Variants in SYTL3 observed in about 807,000 individuals in gnomAD.
SYTL3 encodes the protein synaptotagmin-like protein 3.
In SYTL3, 88 loss-of-function variants were observed where a neutral mutation model predicts 82.1. The ratio of observed to expected loss-of-function variants is 1.07; its 90% CI spans 0.90 to 1.28. The LOEUF (loss-of-function observed/expected upper bound fraction) is 1.28, where lower values mean the gene tolerates loss of function less well. SYTL3 is among the 50% of genes most tolerant of loss of function. The pLI is 0.00. For missense variants in SYTL3, 831 were observed against 757.6 expected (o/e 1.10, Z -1.14); for synonymous variants, 311 against 289.4 (o/e 1.07, Z -0.76).
intron 12 of SYTL3, among the ~76,000 whole-genome samples, chr6:158,750,636 G>A (rs1022953175): frequency 6.6e-5 from 10 of 152,004 alleles, no homozygotes; most frequent in Admixed American, 1.3e-4. Context: ...CTCCAACTTC[G>A]GGCGTCGAGT....
chr6:158,681,380 G>A (rs141946105), intron 5 of SYTL3, among the ~76,000 whole-genome samples: 109 of 152,200 alleles, frequency 7.2e-4, no homozygotes, highest in African/African-American at 2.5e-3. Context: ...AAGTCCTGCC[G>A]TAGGGAGCTG....
At chr6:158,693,762 C>T (rs756094832) in intron 6 of SYTL3, among the ~76,000 whole-genome samples, 4 of 138,962 alleles carry the variant, frequency 2.9e-5, no homozygotes, top group African/African-American at 6.2e-5. Flanking sequence ...AGGCTGGTCT[C>T]GAACTCCTGA....
At chr6:158,682,065 G>A (rs543972435) in intron 5 of SYTL3, among the ~76,000 whole-genome samples, 40 of 152,084 alleles carry the variant, frequency 2.6e-4, no homozygotes, top group Admixed American at 4.6e-4. Flanking sequence ...TCAGCCTCCC[G>A]AGTAGCTGGG....
intron 9 of SYTL3, among the ~76,000 whole-genome samples, chr6:158,714,271 G>T (rs2128464445): frequency 6.6e-6 from 1 of 152,114 alleles, no homozygotes; most frequent in Non-Finnish European, 1.5e-5. Context: ...AGAATCACTT[G>T]AACCCAGGAG....
chr6:158,669,510 A>G (rs1777123603), intron 5 of SYTL3, among the ~76,000 whole-genome samples: 1 of 152,252 alleles, frequency 6.6e-6, no homozygotes, highest in South Asian at 2.1e-4. Flanking sequence ...TATTTTAACA[A>G]TGATAAAGGT....
At chr6:158,658,396 C>G (rs1376617348) in intron 2 of SYTL3, among the ~76,000 whole-genome samples, 2 of 152,194 alleles carry the variant, frequency 1.3e-5, no homozygotes, top group Non-Finnish European at 1.5e-5. Flanking sequence ...TGGTACTGCA[C>G]TCATTGAAAA....
At chr6:158,655,217 A>G (rs1436125722) in intron 2 of SYTL3, among the ~76,000 whole-genome samples, 2 of 152,214 alleles carry the variant, frequency 1.3e-5, no homozygotes, top group East Asian at 1.9e-4. Flanking sequence ...AGATTTTTCT[A>G]TGCTTTTTGG....
At chr6:158,657,802 A>T (rs1788870448) in intron 2 of SYTL3, among the ~76,000 whole-genome samples, 1 of 151,572 alleles carries the variant, frequency 6.6e-6, no homozygotes, top group Admixed American at 6.6e-5. Flanking sequence ...TCTTTCTGAA[A>T]CAATAAAAAA....
At chr6:158,665,678 A>G in intron 5 of SYTL3, 65 bp downstream of exon 5, 5 of 1,273,680 alleles carry the variant, frequency 3.9e-6, no homozygotes, top group Non-Finnish European at 5.4e-6. Flanking sequence ...CTCTTTACAA[A>G]CCGCTCATAA....
At chr6:158,650,274 A>G (rs960266778) in intron 1 of SYTL3, among the ~76,000 whole-genome samples, 196 bp downstream of exon 1, 2 of 152,238 alleles carry the variant, frequency 1.3e-5, no homozygotes, top group African/African-American at 4.8e-5. Flanking sequence ...TTGAGATAAT[A>G]ATGATTTAAG....
chr6:158,716,105 G>A (rs138952927), intron 9 of SYTL3, among the ~76,000 whole-genome samples: 119 of 152,318 alleles, frequency 7.8e-4, no homozygotes, highest in African/African-American at 2.7e-3. Flanking sequence ...ACCAGCGGGA[G>A]GAAATGAGTG....
At chr6:158,763,258 G>A in intron 16 of SYTL3, 46 bp from the exon 17 acceptor site, 2 of 1,585,468 alleles carry the variant, frequency 1.3e-6, no homozygotes, top group Non-Finnish European at 1.7e-6. Flanking sequence ...CAGGAGAGAA[G>A]GCCGTGTGGA....
intron 12 of SYTL3, among the ~76,000 whole-genome samples, chr6:158,751,428 C>T (rs77765765): frequency 1.3e-3 from 203 of 152,292 alleles, no homozygotes; most frequent in African/African-American, 4.5e-3. Flanking sequence ...ATGCTGCGTG[C>T]GACCTCTAGA....
chr6:158,733,580 G>C (rs1273878995), intron 11 of SYTL3, among the ~76,000 whole-genome samples: 3 of 151,690 alleles, frequency 2.0e-5, no homozygotes, highest in Non-Finnish European at 4.4e-5. Flanking sequence ...GCCCTCCTCG[G>C]CCTCCCAAAG....
chr6:158,693,202 A>G (rs1303127345), intron 6 of SYTL3, among the ~76,000 whole-genome samples: 3 of 152,240 alleles, frequency 2.0e-5, no homozygotes, highest in African/African-American at 7.2e-5. Context: ...TAAAAATTTT[A>G]AAAATTTTAC....
intron 15 of SYTL3, 100 bp downstream of exon 15, chr6:158,760,845 C>T (rs1789820073): frequency 2.1e-6 from 2 of 935,290 alleles, no homozygotes; most frequent in East Asian, 2.6e-5. Context: ...CTAGCATTTC[C>T]TTTCTACGTC....
chr6:158,647,724 A>G (rs2128340212), upstream of SYTL3, among the ~76,000 whole-genome samples: 1 of 152,386 alleles, frequency 6.6e-6, no homozygotes, highest in Non-Finnish European at 1.5e-5. Context: ...AGACACCTTT[A>G]CTCGTAACTG....
intron 6 of SYTL3, among the ~76,000 whole-genome samples, chr6:158,692,272 A>C (rs1399268060): frequency 2.3e-5 from 3 of 128,600 alleles, no homozygotes; most frequent in African/African-American, 1.0e-4. Flanking sequence ...AAAAAAAAAA[A>C]AAAAAAAAAA....
intron 6 of SYTL3, among the ~76,000 whole-genome samples, chr6:158,706,357 G>C (rs1782093618): frequency 6.6e-6 from 1 of 152,154 alleles, no homozygotes; most frequent in Non-Finnish European, 1.5e-5. Flanking sequence ...CCTCCCAAAG[G>C]CCAGCCCATC....
Sources: allele counts gnomAD v4.1 joint callset (sites outside exome capture counted in the v4.1 genomes callset), GRCh38; gene constraint gnomAD v4.1.1; transcripts MANE v1.5; gene names NCBI Gene and HGNC (gene_info 2026-07-23, HGNC 2026-07-21).